COX11: variants seen among roughly 807,000 people sequenced by gnomAD.
COX11 encodes cytochrome c oxidase copper chaperone COX11, also known as cytochrome c oxidase assembly protein COX11, mitochondrial.
A neutral mutation model predicts 29.4 loss-of-function variants in COX11; 18 were observed. The ratio of observed to expected loss-of-function variants is 0.61; its 90% confidence interval spans 0.42 to 0.91. The LOEUF (loss-of-function observed/expected upper bound fraction) is 0.91. COX11 is among the 40% of genes least tolerant of loss of function. The probability of loss-of-function intolerance (pLI) is 0.00; values close to 1 mark genes in which losing one functional copy is unlikely to be tolerated. For synonymous variants in COX11, 131 were observed against 124.0 expected (o/e 1.06, Z -0.38); for missense variants, 312 against 346.0 (o/e 0.90, Z 0.78).
chr17:54,968,134 G>A, intron 1 of COX11, 147 bp downstream of exon 1: 1 of 1,275,308 alleles, frequency 7.8e-7, no homozygotes, highest in East Asian at 2.5e-5. Flanking sequence ...GGTGTTAAGT[G>A]ACTGTTTTGA....
chr17:54,967,558 T>C (rs994457801), intron 1 of COX11, among the ~76,000 whole-genome samples: 1 of 152,134 alleles, frequency 6.6e-6, no homozygotes, highest in Non-Finnish European at 1.5e-5. Flanking sequence ...AACTAAAATA[T>C]AGAGTGCTGG....
At chr17:54,955,273 C>T (rs1197221667), upstream of COX11, 1 of 152,258 alleles carries the variant, frequency 6.6e-6, no homozygotes, top group Non-Finnish European at 1.5e-5. Context: ...CAGGAGATCT[C>T]ATGGAGACAA....
At chr17:54,958,873 G>C (rs927738569), downstream of COX11, among the ~76,000 whole-genome samples, 1 of 152,136 alleles carries the variant, frequency 6.6e-6, no homozygotes, top group African/African-American at 2.4e-5. Context: ...TTGAAGAATA[G>C]GATCTGGCAT....
chr17:54,953,959 AG>A (rs2049363203), exon 1 of COX11: 1 of 152,140 alleles, frequency 6.6e-6, no homozygotes, highest in Admixed American at 6.5e-5. Flanking sequence ...GATTTTCATT[AG>A]GGCCTTGTTC....
At position 54,962,595 on chromosome 17, in the gene COX11, T is replaced by C; in HGVS notation, c.*138A>G. The C allele has an allele frequency of 7.4e-7, 1 of 1,351,182 alleles. No homozygotes were observed. 83.7% of individuals were successfully genotyped at this position (1,351,182 alleles called of 1,614,324 possible). ...CTGAACTTGTTCTCTCAAGTTTAAG[T>C]GAAAAAAATTAGTTGAGAAAAAATA... is the stretch of plus-strand genomic sequence containing the variant. On this transcript the variant is annotated 3_prime_UTR_variant, in exon 4 of 4. Transcript: ENST00000299335.
chr17:54,964,893 T>A (rs773432312), intron 1 of COX11, 41 bp from the exon 2 acceptor site: 99 of 1,574,104 alleles, frequency 6.3e-5, no homozygotes, highest in Non-Finnish European at 2.1e-5. Flanking sequence ...TACTTTTAGG[T>A]GTTGATGATC....
Position 54,962,610 on chromosome 17 carries a change from G to A in COX11, c.*123C>T. On this transcript the variant is annotated 3_prime_UTR_variant, in exon 4 of 4. Transcript: ENST00000299335. ...CAAGTTTAAGTGAAAAAAATTAGTT[G>A]AGAAAAAATAATTATTTAAAATATA... The A allele has an allele frequency of 7.3e-7, 1 of 1,362,402 alleles. No homozygotes were observed. 84.4% of individuals were successfully genotyped at this position (1,362,402 alleles called of 1,614,324 possible).
exon 1 of COX11, chr17:54,953,213 C>CA (rs2049322941): frequency 6.9e-6 from 1 of 143,952 alleles, no homozygotes; most frequent in Non-Finnish European, 1.6e-5. Flanking sequence ...ACCTTGTCTC[C>CA]ACAAACAAAC....
At chr17:54,954,180 T>C (rs2049375078) in exon 1 of COX11, 1 of 152,176 alleles carries the variant, frequency 6.6e-6, no homozygotes, top group Non-Finnish European at 1.5e-5. Context: ...GTTTTGGCCA[T>C]GGTGGCAGAT....
chr17:54,964,673 T>G (rs2077187309), intron 2 of COX11, 24 bp downstream of exon 2: 1 of 1,604,584 alleles, frequency 6.2e-7, no homozygotes, highest in Admixed American at 1.7e-5. Context: ...AAAGTAATCT[T>G]TTAATGACTG....
chr17:54,962,988 A>C, intron 3 of COX11, 73 bp from the exon 4 acceptor site: 1 of 1,321,416 alleles, frequency 7.6e-7, no homozygotes, highest in Non-Finnish European at 1.1e-6. Context: ...CAGTTCTTTT[A>C]TCTTAGCATT....
downstream of COX11, among the ~76,000 whole-genome samples, chr17:54,956,089 C>T (rs1399981985): frequency 6.6e-6 from 1 of 152,120 alleles, no homozygotes; most frequent in Admixed American, 6.5e-5. Flanking sequence ...CTTGTTACCC[C>T]TAAAAAAACC....
At chr17:54,957,513 G>C (rs2076972646), downstream of COX11, 1 of 152,230 alleles carries the variant, frequency 6.6e-6, no homozygotes, top group Non-Finnish European at 1.5e-5. Context: ...CAGTGTCACA[G>C]ATACTGGCGG....
chr17:54,956,957 T>C (rs1265647106), downstream of COX11: 2 of 152,274 alleles, frequency 1.3e-5, no homozygotes, highest in East Asian at 3.9e-4. Flanking sequence ...AGCTATAGCA[T>C]CTCCCAGGGT....
In COX11 at chr17:54,962,052, G is replaced by A. The variant is rs544229306; in HGVS notation, c.*681C>T. On this transcript the variant is annotated 3_prime_UTR_variant, in exon 4 of 4. Coordinates refer to ENST00000299335, the MANE Select transcript of COX11 (RefSeq NM_004375.5). The stretch of plus-strand genomic sequence containing the variant: ...CCCACCTGTACATTTTAACATTCAT[G>A]GACTTGTAATGGTGATGCTTTGGCT... 1 of 984,294 alleles carries A rather than the reference G, an allele frequency of 1.0e-6. No homozygotes were observed. The highest frequency in any genetic ancestry group is 6.1e-5 in the Admixed American group (1 of 16,268). 61.0% of individuals were successfully genotyped at this position (984,294 alleles called of 1,614,324 possible).
Position 54,961,048 on chromosome 17 carries a change from G to T in COX11, c.*1685C>A. The T allele has an allele frequency of 1.7e-6, 1 of 598,446 alleles. No individual in the cohort carries two copies. The highest frequency in any genetic ancestry group is 2.9e-6 in the Non-Finnish European group (1 of 339,570). 37.1% of individuals were successfully genotyped at this position (598,446 alleles called of 1,614,324 possible). A position where few individuals can be genotyped will look rare whatever the true frequency, so the allele number is the denominator to read the frequency against. ...TAATCCCATGTATTTACTATTTAAT[G>T]GTCACCAATGAACTATCAAAACTTA... On this transcript the variant is annotated 3_prime_UTR_variant, in exon 4 of 4. Coordinates refer to ENST00000299335, the MANE Select transcript of COX11 (RefSeq NM_004375.5).
At chr17:54,963,744 C>T (rs1412416706) in intron 2 of COX11, among the ~76,000 whole-genome samples, 1 of 152,082 alleles carries the variant, frequency 6.6e-6, no homozygotes, top group Non-Finnish European at 1.5e-5. Context: ...AATCATATCA[C>T]AGCCCTAGCC....
downstream of COX11, among the ~76,000 whole-genome samples, chr17:54,960,121 G>A (rs1057158862): frequency 6.6e-6 from 1 of 152,102 alleles, no homozygotes; most frequent in African/African-American, 2.4e-5. Context: ...CCAGCACTTT[G>A]GGAGGCCGAG....
At position 54,968,328 on chromosome 17, in the gene COX11, G is replaced by C; in HGVS notation, c.319C>G (p.Leu107Val). The change falls in exon 1 of 4, where the codon CTG (leucine) becomes GTG (valine). Residue 107 changes from leucine to valine, a missense_variant. By Grantham distance (32) the Leu-to-Val change is conservative. Around this residue, in one of 2 missense-constraint regions of COX11, gnomAD observed 182 missense variants for 240.0 expected, o/e 0.76. Coordinates refer to ENST00000299335, the MANE Select transcript of COX11 (RefSeq NM_004375.5). ...GGTACGGCAGCGTAGGACGCCCCCA[G>C]CATGCCCACGGCGACAGCGGCCACG... ...TYVAAVAVGM[L>V]GASYAAVPLY... 1 of 1,612,914 alleles carries C rather than the reference G, an allele frequency of 6.2e-7. No individual in the cohort carries two copies. The highest frequency in any genetic ancestry group is 8.5e-7 in the Non-Finnish European group (1 of 1,179,896).
Sources: gnomAD v4.1 joint callset for allele counts (sites outside exome capture counted in the v4.1 genomes callset) on GRCh38, gnomAD v4.1.1 for gene constraint, gnomAD v4.1.1 regional missense constraint, MANE v1.5 for transcripts, NCBI Gene and HGNC (gene_info 2026-07-23, HGNC 2026-07-21) for gene names.